CLDN1: variants seen among roughly 807,000 people sequenced by gnomAD.
CLDN1 encodes the protein claudin 1.
In CLDN1, 12 loss-of-function variants were observed where a neutral mutation model predicts 22.6. The ratio of observed to expected loss-of-function variants is 0.53; its 90% CI spans 0.34 to 0.86. The LOEUF (loss-of-function observed/expected upper bound fraction) is 0.86. Among genes scored for constraint, CLDN1 ranks in the 40% least tolerant of loss-of-function variants. The pLI is 0.02. For synonymous variants in CLDN1, 99 were observed against 103.8 expected, an observed-to-expected ratio of 0.95 and a Z score of 0.28; for missense variants, 250 against 269.5, an observed-to-expected ratio of 0.93 and a Z score of 0.51.
In CLDN1 at chr3:190,322,197, C is replaced by A; in HGVS notation, c.10G>T (p.Ala4Ser). ...ATGAAGCCCAACAGCTGCAGCCCCG[C>A]GTTGGCCATGACTCGCTCGGGCGCC... MAN[A>S]GLQLLGFILA... The change falls in exon 1 of 4, where the codon GCG (alanine) becomes TCG (serine). Residue 4 changes from alanine to serine, a missense_variant. Ala to Ser is a moderately conservative substitution (Grantham distance 99, BLOSUM62 1). Coordinates refer to ENST00000295522, the MANE Select transcript of CLDN1 (RefSeq NM_021101.5). 6.2e-7 allele frequency: 1 copy of A among 1,613,784 alleles called. No homozygotes were observed. The highest frequency in any genetic ancestry group is 8.5e-7 in the Non-Finnish European group (1 of 1,180,004).
intron 1 of CLDN1, among the ~76,000 whole-genome samples, chr3:190,315,864 C>T (rs920792259): frequency 2.6e-5 from 4 of 152,114 alleles, no homozygotes; most frequent in African/African-American, 7.2e-5. Flanking sequence ...TCTCATGAGT[C>T]GGACTGTGTA....
At chr3:190,312,686 T>C (rs1279207571) in intron 2 of CLDN1, among the ~76,000 whole-genome samples, 186 bp downstream of exon 2, 1 of 152,240 alleles carries the variant, frequency 6.6e-6, no homozygotes, top group Non-Finnish European at 1.5e-5. Context: ...ACCTGTCAGA[T>C]GTGAGCAGAG....
At chr3:190,308,908 A>G (rs1427946852) in intron 3 of CLDN1, among the ~76,000 whole-genome samples, 3 of 152,164 alleles carry the variant, frequency 2.0e-5, no homozygotes, top group Non-Finnish European at 4.4e-5. Flanking sequence ...TGAAATCCAA[A>G]TCTTATGGTT....
At chr3:190,321,896 T>C in intron 1 of CLDN1, 88 bp downstream of exon 1, 5 of 954,580 alleles carry the variant, frequency 5.2e-6, no homozygotes, top group Admixed American at 1.8e-5. Context: ...CTGATAACCA[T>C]GGAATCACAC....
intron 1 of CLDN1, among the ~76,000 whole-genome samples, chr3:190,314,158 C>T (rs1716700384): frequency 6.6e-6 from 1 of 151,972 alleles, no homozygotes; most frequent in Non-Finnish European, 1.5e-5. Context: ...TATCTTTATC[C>T]AGTGGATTGG....
chr3:190,308,851 C>T (rs1231774105), intron 3 of CLDN1, among the ~76,000 whole-genome samples: 3 of 152,132 alleles, frequency 2.0e-5, no homozygotes, highest in African/African-American at 4.8e-5. Context: ...TGGAGATAAT[C>T]AGAGCTTTGA....
intron 1 of CLDN1, among the ~76,000 whole-genome samples, chr3:190,313,854 G>T (rs1287059300): frequency 6.6e-6 from 1 of 152,122 alleles, no homozygotes; most frequent in African/African-American, 2.4e-5. Context: ...GGTCAAGTTT[G>T]AGACATTATC....
chr3:190,318,270 G>T (rs1312647270), intron 1 of CLDN1, among the ~76,000 whole-genome samples: 4 of 152,144 alleles, frequency 2.6e-5, no homozygotes, highest in Admixed American at 1.3e-4. Context: ...GTTTCTTCAA[G>T]AAATTTTCTC....
At chr3:190,313,203 T>C in intron 1 of CLDN1, 167 bp from the exon 2 acceptor site, 1 of 655,976 alleles carries the variant, frequency 1.5e-6, no homozygotes, top group South Asian at 1.9e-5. Context: ...ATATACAGTA[T>C]CTTCTCCAGA....
intron 1 of CLDN1, among the ~76,000 whole-genome samples, chr3:190,315,331 T>C (rs9866788): frequency 0.39 from 59,098 of 151,938 alleles, 12,513 homozygotes; most frequent in Non-Finnish European, 0.49. Context: ...CTTAGAAGGC[T>C]CTCAATCCTG....
rs1268585735 is a variant in CLDN1 at position 190,308,098 on chromosome 3, G to C, written c.*179C>G. 1.5e-6 allele frequency: 1 copy of C among 689,030 alleles called. No homozygotes were observed. Among genetic ancestry groups the C allele is most frequent in the South Asian group, 1.8e-5 (1 of 56,750 alleles). The allele number at this position is 689,030 out of a possible 1,614,324, so 42.7% of individuals were successfully genotyped here. The stretch of plus-strand genomic sequence containing the variant: ...ATATTGAGGAAAGAAGATAAAATAA[G>C]ATTAAGCCATGTTTAGCACTGAGTA... On this transcript the variant is annotated 3_prime_UTR_variant, in exon 4 of 4. Transcript: ENST00000295522.
chr3:190,318,234 A>G (rs1290629801), intron 1 of CLDN1, among the ~76,000 whole-genome samples: 5 of 152,174 alleles, frequency 3.3e-5, no homozygotes, highest in African/African-American at 1.2e-4. Flanking sequence ...TGTCCTCAGA[A>G]GTTTTGCTAC....
intron 2 of CLDN1, among the ~76,000 whole-genome samples, chr3:190,311,852 A>G (rs1206104949): frequency 2.0e-5 from 3 of 151,968 alleles, no homozygotes; most frequent in African/African-American, 7.2e-5. Flanking sequence ...AAAGCTTTGA[A>G]ATAATGCTGT....
rs1716451114 is a variant in CLDN1, at chr3:190,306,327, C to G, written c.*1950G>C. ...CAGAATCTTATTTGTTTAGTGCACTCAATTTTACTTCACTGTCTCATCACT... is the reference window on the plus strand; with the variant it reads ...CAGAATCTTATTTGTTTAGTGCACTGAATTTTACTTCACTGTCTCATCACT... On this transcript the variant is annotated 3_prime_UTR_variant, in exon 4 of 4. Coordinates refer to ENST00000295522, the MANE Select transcript of CLDN1 (RefSeq NM_021101.5). The G allele has an allele frequency of 6.6e-6, 1 of 152,236 alleles. No homozygotes were observed. The highest frequency in any genetic ancestry group is 6.5e-5 in the Admixed American group (1 of 15,270). The allele number at this position is 152,236 out of a possible 1,614,324, so 9.4% of individuals were successfully genotyped here.
At chr3:190,316,900 G>C (rs1432143188) in intron 1 of CLDN1, among the ~76,000 whole-genome samples, 2 of 152,132 alleles carry the variant, frequency 1.3e-5, no homozygotes, top group East Asian at 3.8e-4. Context: ...CTAAAAGCCA[G>C]ACTTAGCTTA....
In CLDN1 at chr3:190,308,106, C is replaced by T; in HGVS notation, c.*171G>A. 4.1e-6 allele frequency: 3 copies of T among 732,378 alleles called. No individual in the cohort carries two copies. 45.4% of individuals were successfully genotyped at this position (732,378 alleles called of 1,614,324 possible). A position where few individuals can be genotyped will look rare whatever the true frequency, so the allele number is the denominator to read the frequency against. On this transcript the variant is annotated 3_prime_UTR_variant, in exon 4 of 4. Transcript: ENST00000295522. ...GAAAGAAGATAAAATAAGATTAAGCCATGTTTAGCACTGAGTATTTTAACA... is the reference window on the plus strand; with the variant it reads ...GAAAGAAGATAAAATAAGATTAAGCTATGTTTAGCACTGAGTATTTTAACA...
rs1383407962 is a variant in CLDN1, at chr3:190,312,941, A to T, written c.319T>A (p.Cys107Ser). Reference sequence around the variant, plus strand: ...TTCTGCACCTCATCGTCTTCCAAGCACTTCATACACTTCATGCCAACGGTG... The same window carrying T: ...TTCTGCACCTCATCGTCTTCCAAGCTCTTCATACACTTCATGCCAACGGTG... ...VATVGMKCMKCLEDDEVQKMR... is the reference protein window; with the variant it reads ...VATVGMKCMKSLEDDEVQKMR... Residue 107 changes from cysteine (C) to serine (S), a missense_variant, in exon 2 of 4, where the codon TGC becomes AGC. Physicochemically the swap from Cys to Ser is moderately radical, Grantham distance 112. Transcript: ENST00000295522. 6.2e-7 allele frequency: 1 copy of T among 1,614,210 alleles called. No individual in the cohort carries two copies. Among genetic ancestry groups the T allele is most frequent in the African/African-American group, 1.3e-5 (1 of 75,062 alleles).
At chr3:190,309,524 T>C (rs921701588) in intron 3 of CLDN1, among the ~76,000 whole-genome samples, 1 of 152,234 alleles carries the variant, frequency 6.6e-6, no homozygotes, top group African/African-American at 2.4e-5. Flanking sequence ...ATTAAAGATG[T>C]GAAGACAGTG....
intron 1 of CLDN1, among the ~76,000 whole-genome samples, chr3:190,318,120 T>C (rs994129684): frequency 6.6e-6 from 1 of 152,186 alleles, no homozygotes; most frequent in African/African-American, 2.4e-5. Context: ...CATTTCCCTC[T>C]TATTGGTGCA....
Sources: allele counts gnomAD v4.1 joint callset (sites outside exome capture counted in the v4.1 genomes callset), GRCh38; gene constraint gnomAD v4.1.1; transcripts MANE v1.5; gene names NCBI Gene and HGNC (gene_info 2026-07-23, HGNC 2026-07-21).